Variants in MYO18A observed in about 807,000 individuals in gnomAD.
The protein encoded by MYO18A is unconventional myosin-XVIIIa.
Under a neutral mutation model 235.8 loss-of-function variants are expected in MYO18A, and 78 were observed. That is an observed-to-expected ratio of 0.33 (90% CI 0.28 to 0.40). The LOEUF is 0.40. Ranked by LOEUF, MYO18A falls within the 10% of genes least tolerant of loss-of-function variation. The pLI is 1.00. For missense variants in MYO18A, 2,215 were observed against 2,699.3 expected (o/e 0.82, Z 3.98); for synonymous variants, 977 against 1,077.8 (o/e 0.91, Z 1.83).
chr17:29,127,041 C>T (rs1037279827), intron 2 of MYO18A, among the ~76,000 whole-genome samples: 6 of 152,236 alleles, frequency 3.9e-5, no homozygotes, highest in African/African-American at 1.2e-4. Flanking sequence ...ATTAGCACCA[C>T]TATCAACGCT....
chr17:29,105,401 T>C (rs1598309363), intron 20 of MYO18A, among the ~76,000 whole-genome samples: 2 of 142,730 alleles, frequency 1.4e-5, no homozygotes, highest in East Asian at 4.1e-4. Flanking sequence ...CTGTGGGGAG[T>C]TTCTCCGTGG....
chr17:29,138,959 C>G (rs1482181169), intron 2 of MYO18A, among the ~76,000 whole-genome samples: 4 of 152,118 alleles, frequency 2.6e-5, no homozygotes, highest in Non-Finnish European at 5.9e-5. Context: ...ATATGCTTTA[C>G]GTGGAACTGC....
chr17:29,157,238 G>A (rs183211601), intron 2 of MYO18A, among the ~76,000 whole-genome samples: 12 of 152,202 alleles, frequency 7.9e-5, no homozygotes, highest in Admixed American at 1.3e-4. Context: ...TCCCTCTCCC[G>A]GCTCCCACAA....
Position 29,114,114 on chromosome 17 carries a change from A to G in MYO18A, c.2512-17T>C. 1 of 1,567,936 alleles carries G rather than the reference A, an allele frequency of 6.4e-7. No homozygotes were observed. Among genetic ancestry groups the G allele is most frequent in the Admixed American group, 1.8e-5 (1 of 54,480 alleles). On this transcript the variant is annotated splice_polypyrimidine_tract_variant and intron_variant, in intron 14 of 41. Transcript: ENST00000527372. ...GATGTTCTCCTGGGAAAGAAGGCCGAGCGGTAGTGAGCATGGGGGTCACAT... is the reference window on the plus strand; with the variant it reads ...GATGTTCTCCTGGGAAAGAAGGCCGGGCGGTAGTGAGCATGGGGGTCACAT...
intron 2 of MYO18A, among the ~76,000 whole-genome samples, chr17:29,156,003 G>A (rs968603827): frequency 2.0e-5 from 3 of 152,020 alleles, no homozygotes; most frequent in South Asian, 4.1e-4. Flanking sequence ...AGAGGGGATG[G>A]GAGCTGAGCC....
chr17:29,121,695 T>C lies in MYO18A; in HGVS notation c.1223A>G (p.Glu408Gly). The change falls in exon 5 of 42, where the codon GAG (glutamate) becomes GGG (glycine). Residue 408 changes from glutamate (E) to glycine (G), a missense_variant. Transcript: ENST00000527372. The surrounding 1 kb of genome is among the most constrained non-coding windows in gnomAD (Gnocchi z 4.2). ...GAGGTACACCAGTGAGGCCAGATCCTCCAGACGGTCGCAGGAGGGAGCATT... is the reference window on the plus strand; with the variant it reads ...GAGGTACACCAGTGAGGCCAGATCCCCCAGACGGTCGCAGGAGGGAGCATT... ...KANAPSCDRL[E>G]DLASLVYLNE... is the part of the protein sequence containing the mutation. The C allele has an allele frequency of 6.4e-7, 1 of 1,564,596 alleles. No homozygotes were observed. The highest frequency in any genetic ancestry group is 1.2e-5 in the South Asian group (1 of 85,826).
At chr17:29,128,787 T>C (rs77180547) in intron 2 of MYO18A, among the ~76,000 whole-genome samples, 2,697 of 152,316 alleles carry the variant, frequency 0.018, 89 homozygotes, top group African/African-American at 0.061. Context: ...CAGGTACTAC[T>C]GTCACCTGCT....
At position 29,117,657 on chromosome 17, in the gene MYO18A, C is replaced by G. The variant is rs79001652; in HGVS notation, c.2038+388G>C. On this transcript the variant is annotated intron_variant, in intron 10 of 41. Transcript: ENST00000527372. The surrounding 1 kb of genome is among the most constrained non-coding windows in gnomAD (Gnocchi z 4.6). ...AGCACCAAGACAGGGCACGGCGGCC[C>G]CTATACCCAAGGGCGGGGCCAAGGT... 0.027 allele frequency among the ~76,000 whole-genome samples: 4,108 copies of G among 152,294 alleles called. 75 individuals carry two copies. Among genetic ancestry groups the G allele is most frequent in the Non-Finnish European group, 0.035 (2,376 of 68,024 alleles).
chr17:29,170,579 A>G (rs80023635), intron 1 of MYO18A, among the ~76,000 whole-genome samples: 3,011 of 152,262 alleles, frequency 0.02, 100 homozygotes, highest in African/African-American at 0.068. Flanking sequence ...CCACTCCAGT[A>G]AAGGTAACCT....
At chr17:29,088,140 G>GC (rs1430709058) in intron 37 of MYO18A, among the ~76,000 whole-genome samples, 1 of 141,054 alleles carries the variant, frequency 7.1e-6, no homozygotes, top group Non-Finnish European at 1.5e-5. Context: ...TGCAGGCTCC[G>GC]CCCCCCGGGG....
In MYO18A at chr17:29,121,726, G is replaced by A. The variant is rs2067203830; in HGVS notation, c.1195-3C>T. ...CGGTCGCAGGAGGGAGCATTAGCCTGTGTGGGAGGACAGGCGGGTGGGTAT... is the reference window on the plus strand; with the variant it reads ...CGGTCGCAGGAGGGAGCATTAGCCTATGTGGGAGGACAGGCGGGTGGGTAT... On this transcript the variant is annotated splice_region_variant and splice_polypyrimidine_tract_variant and intron_variant, in intron 4 of 41. Coordinates refer to ENST00000527372, the MANE Select transcript of MYO18A (RefSeq NM_078471.4). The surrounding 1 kb of genome is among the most constrained non-coding windows in gnomAD (Gnocchi z 4.2). 1.3e-6 allele frequency: 2 copies of A among 1,577,536 alleles called. No individual in the cohort carries two copies. Among genetic ancestry groups the A allele is most frequent in the Non-Finnish European group, 1.7e-6 (2 of 1,161,242 alleles).
chr17:29,122,960 C>T (rs1367776685), intron 2 of MYO18A, among the ~76,000 whole-genome samples: 1 of 152,224 alleles, frequency 6.6e-6, no homozygotes, highest in African/African-American at 2.4e-5. Flanking sequence ...TAATGCCATA[C>T]AAAGGCACGA....
At chr17:29,097,960 A>C (rs984257631) in intron 25 of MYO18A, 61 bp from the exon 26 acceptor site, 164 of 1,576,652 alleles carry the variant, frequency 1.0e-4, no homozygotes, top group Admixed American at 5.5e-4. Context: ...TCCCCGAACC[A>C]CACAGACCAT....
chr17:29,098,561 G>T, intron 23 of MYO18A, 116 bp from the exon 24 acceptor site: 1 of 1,254,210 alleles, frequency 8.0e-7, no homozygotes, highest in Non-Finnish European at 1.1e-6. Flanking sequence ...ACGCCATGGG[G>T]AAGGCATGTC....
chr17:29,173,003 A>G (rs1316025390), intron 1 of MYO18A, among the ~76,000 whole-genome samples: 1 of 152,190 alleles, frequency 6.6e-6, no homozygotes, highest in Admixed American at 6.5e-5. Flanking sequence ...GATAATATCA[A>G]TCAATTAGGG....
At chr17:29,136,243 AAAAAAAAATAT>A (rs1567623745) in intron 2 of MYO18A, among the ~76,000 whole-genome samples, 2 of 95,682 alleles carry the variant, frequency 2.1e-5, no homozygotes, top group East Asian at 5.7e-4. Flanking sequence ...AAGAAAAAAA[AAAAAAAAATAT>A]ATATATATAT....
chr17:29,113,902 GCCCACAGTGGCACC>G, intron 15 of MYO18A, 95 bp downstream of exon 15: 1 of 850,934 alleles, frequency 1.2e-6, no homozygotes, highest in Middle Eastern at 2.7e-4. Flanking sequence ...CCCTCCCTCA[GCCCACAGTGGCACC>G]CCCAGCAGCA....
Position 29,118,233 on chromosome 17 carries a change from C to G in MYO18A, c.1894-44G>C, listed in dbSNP as rs1431612030. ...TCAAAGGGCTGTCCCTCCCAGCACA[C>G]CCCCATGAGGCTGGGCCCTCAGGGC... On this transcript the variant is annotated intron_variant, in intron 9 of 41. Coordinates refer to ENST00000527372, the MANE Select transcript of MYO18A (RefSeq NM_078471.4). This position sits in a 1 kb window ranked among gnomAD's most constrained non-coding sequence, Gnocchi z 4.2. The G allele has an allele frequency of 1.9e-6, 3 of 1,579,544 alleles. No individual in the cohort carries two copies. The Admixed American group carries it at 5.3e-5, about 28-fold the overall frequency.
At chr17:29,079,742 C>T (rs1421452433) in intron 41 of MYO18A, 4 of 986,030 alleles carry the variant, frequency 4.1e-6, no homozygotes, top group Non-Finnish European at 3.6e-6. Flanking sequence ...TAGTCGCTCT[C>T]GGGCCGGTAC....
Sources: gnomAD v4.1 joint callset for allele counts (sites outside exome capture counted in the v4.1 genomes callset) on GRCh38, gnomAD v4.1.1 for gene constraint, Gnocchi (gnomAD v3.1) non-coding constraint, MANE v1.5 for transcripts, NCBI Gene and HGNC (gene_info 2026-07-23, HGNC 2026-07-21) for gene names.